CTNND2: variants seen among roughly 807,000 people sequenced by gnomAD.
CTNND2 encodes the protein catenin delta 2.
A neutral mutation model predicts 144.4 loss-of-function variants in CTNND2; 22 were observed. The ratio of observed to expected loss-of-function variants is 0.15; its 90% CI spans 0.11 to 0.22. The LOEUF (loss-of-function observed/expected upper bound fraction) is 0.22, where lower values mean the gene tolerates loss of function less well. Among genes scored for constraint, CTNND2 ranks in the 10% least tolerant of loss-of-function variants. The pLI is 1.00. For missense variants in CTNND2, 1,353 were observed against 1,618.8 expected (o/e 0.84, Z 2.82); for synonymous variants, 751 against 695.6 (o/e 1.08, Z -1.25).
chr5:11,225,050 G>T (rs1740183917), intron 10 of CTNND2, among the ~76,000 whole-genome samples: 1 of 152,096 alleles, frequency 6.6e-6, no homozygotes, highest in South Asian at 2.1e-4. Context: ...GAAAGTCATT[G>T]TGAGAAAGAC....
At chr5:11,542,124 A>G (rs1163495483) in intron 3 of CTNND2, among the ~76,000 whole-genome samples, 4 of 152,160 alleles carry the variant, frequency 2.6e-5, no homozygotes, top group Non-Finnish European at 5.9e-5. Flanking sequence ...CCTCAGAGGC[A>G]ACACAAGAGT....
At chr5:11,419,153 G>A (rs116065519) in intron 3 of CTNND2, among the ~76,000 whole-genome samples, 1,590 of 151,900 alleles carry the variant, frequency 0.01, 30 homozygotes, top group African/African-American at 0.03. Context: ...GGTCAGAAGG[G>A]TGAAGAAAAT....
At chr5:11,004,283 G>A (rs1740251699) in intron 18 of CTNND2, among the ~76,000 whole-genome samples, 1 of 152,184 alleles carries the variant, frequency 6.6e-6, no homozygotes, top group Non-Finnish European at 1.5e-5. Flanking sequence ...GTACTGCAAA[G>A]TTAAGTTCAG....
chr5:11,780,525 G>A (rs1790490613), intron 1 of CTNND2, among the ~76,000 whole-genome samples: 1 of 152,130 alleles, frequency 6.6e-6, no homozygotes, highest in East Asian at 1.9e-4. Flanking sequence ...AGAGGCTATG[G>A]GGGACATGTT....
chr5:11,859,240 C>T (rs1460356252), intron 1 of CTNND2, among the ~76,000 whole-genome samples: 2 of 152,190 alleles, frequency 1.3e-5, no homozygotes, highest in African/African-American at 4.8e-5. Flanking sequence ...ATGACTGAAG[C>T]AGTTCATTTC....
At chr5:11,548,793 CA>C (rs1775494204) in intron 3 of CTNND2, among the ~76,000 whole-genome samples, 1 of 152,114 alleles carries the variant, frequency 6.6e-6, no homozygotes, top group Non-Finnish European at 1.5e-5. Context: ...TTGTAGTTGT[CA>C]ATATTTCTTT....
chr5:11,619,201 A>G (rs1429158272), intron 2 of CTNND2, among the ~76,000 whole-genome samples: 4 of 152,146 alleles, frequency 2.6e-5, no homozygotes, highest in Non-Finnish European at 5.9e-5. Flanking sequence ...TGAGGTATGG[A>G]GTTCGAGACC....
intron 1 of CTNND2, among the ~76,000 whole-genome samples, chr5:11,833,270 G>A (rs1325892694): frequency 1.3e-5 from 2 of 152,040 alleles, no homozygotes; most frequent in Non-Finnish European, 2.9e-5. Context: ...TTGTGACAAA[G>A]CCACAATGAA....
At chr5:11,849,516 G>T (rs1794915793) in intron 1 of CTNND2, among the ~76,000 whole-genome samples, 1 of 152,112 alleles carries the variant, frequency 6.6e-6, no homozygotes, top group Non-Finnish European at 1.5e-5. Flanking sequence ...GTTTGCAAAG[G>T]GAGTCCCAAC....
intron 9 of CTNND2, among the ~76,000 whole-genome samples, chr5:11,321,459 C>G (rs960884458): frequency 2.6e-5 from 4 of 152,312 alleles, no homozygotes; most frequent in South Asian, 2.1e-4. Context: ...ATAGCTGTGA[C>G]TTACTGCCAA....
At chr5:11,127,454 C>A (rs554587452) in intron 12 of CTNND2, among the ~76,000 whole-genome samples, 4 of 152,218 alleles carry the variant, frequency 2.6e-5, no homozygotes, top group Non-Finnish European at 5.9e-5. Flanking sequence ...AGGGCTTCTT[C>A]CCCCACCAGC....
chr5:11,489,067 A>C (rs1163281918), intron 3 of CTNND2, among the ~76,000 whole-genome samples: 3 of 152,170 alleles, frequency 2.0e-5, no homozygotes, highest in Non-Finnish European at 4.4e-5. Flanking sequence ...CTCTAGGGTT[A>C]ATACCTAGAA....
chr5:11,298,830 T>C (rs1286991968), intron 9 of CTNND2, among the ~76,000 whole-genome samples: 1 of 152,228 alleles, frequency 6.6e-6, no homozygotes, highest in Non-Finnish European at 1.5e-5. Flanking sequence ...TTGCCCCAGT[T>C]TCCTTAGATA....
intron 12 of CTNND2, among the ~76,000 whole-genome samples, chr5:11,138,339 T>G (rs1756362843): frequency 6.6e-6 from 1 of 152,190 alleles, no homozygotes; most frequent in Non-Finnish European, 1.5e-5. Context: ...GTCTGCAAAG[T>G]GTCTTTTGCC....
At chr5:11,159,884 A>G in intron 11 of CTNND2, 125 bp from the exon 12 acceptor site, 2 of 678,216 alleles carry the variant, frequency 2.9e-6, no homozygotes, top group Non-Finnish European at 4.8e-6. Flanking sequence ...CACACATCCT[A>G]GAGTGTGTCC....
intron 2 of CTNND2, among the ~76,000 whole-genome samples, chr5:11,651,231 CAT>C (rs1262589152): frequency 6.6e-6 from 1 of 152,218 alleles, no homozygotes; most frequent in Non-Finnish European, 1.5e-5. Flanking sequence ...GTCCCAGATA[CAT>C]CTCAGGCTGC....
At chr5:11,435,352 C>T (rs992610107) in intron 3 of CTNND2, among the ~76,000 whole-genome samples, 1 of 151,876 alleles carries the variant, frequency 6.6e-6, no homozygotes. Flanking sequence ...CCGTGTTAGC[C>T]AAGATGGTCT....
intron 3 of CTNND2, among the ~76,000 whole-genome samples, chr5:11,546,838 C>T (rs1775277862): frequency 2.0e-5 from 3 of 152,036 alleles, no homozygotes; most frequent in African/African-American, 7.2e-5. Context: ...AAAATTGACA[C>T]AAGGCAGATA....
chr5:11,474,348 C>G (rs575503283), intron 3 of CTNND2, among the ~76,000 whole-genome samples: 1 of 152,142 alleles, frequency 6.6e-6, no homozygotes. Context: ...ATCTTCTAAT[C>G]TAGTTAGGGG....
Sources: gnomAD v4.1 joint callset for allele counts (sites outside exome capture counted in the v4.1 genomes callset) on GRCh38, gnomAD v4.1.1 for gene constraint, MANE v1.5 for transcripts, NCBI Gene and HGNC (gene_info 2026-07-23, HGNC 2026-07-21) for gene names.